Variants in MSANTD3 observed in about 807,000 individuals in gnomAD.
The protein encoded by MSANTD3 is Myb/SANT DNA binding domain containing 3, also known as myb/SANT-like DNA-binding domain-containing protein 3.
A neutral mutation model predicts 27.7 loss-of-function variants in MSANTD3; 11 were observed. The observed-to-expected ratio is 0.40, with a 90% CI of 0.25 to 0.66. The LOEUF (loss-of-function observed/expected upper bound fraction) is 0.66. Among genes scored for constraint, MSANTD3 ranks in the 30% least tolerant of loss-of-function variants. The probability of loss-of-function intolerance (pLI) is 0.41; values close to 1 mark genes in which losing one functional copy is unlikely to be tolerated. For missense variants in MSANTD3, 250 were observed against 336.5 expected (o/e 0.74, Z 2.01); for synonymous variants, 131 against 127.2 (o/e 1.03, Z -0.20).
At chr9:100,435,885 A>T (rs1481045912) in intron 1 of MSANTD3, among the ~76,000 whole-genome samples, 1 of 152,202 alleles carries the variant, frequency 6.6e-6, no homozygotes, top group Non-Finnish European at 1.5e-5. Flanking sequence ...TCTTGGGAGG[A>T]CACAGACATT....
intron 1 of MSANTD3, among the ~76,000 whole-genome samples, chr9:100,431,977 G>C (rs1307854346): frequency 6.6e-6 from 1 of 152,112 alleles, no homozygotes; most frequent in East Asian, 1.9e-4. Flanking sequence ...GCCGTGGGTG[G>C]GGATGGTTTA....
chr9:100,430,299 G>A (rs1408540404), intron 1 of MSANTD3, among the ~76,000 whole-genome samples: 1 of 147,084 alleles, frequency 6.8e-6, no homozygotes, highest in African/African-American at 2.6e-5. Context: ...TGTAATGCCA[G>A]CACTTTGGGA....
chr9:100,447,368 C>CT (rs34721493), intron 2 of MSANTD3, among the ~76,000 whole-genome samples: 26 of 151,290 alleles, frequency 1.7e-4, no homozygotes, highest in Middle Eastern at 3.4e-3. Context: ...AGAGGCCTGG[C>CT]TTTTTTTTTC....
Position 100,442,142 on chromosome 9 carries a change from A to G in MSANTD3, c.204A>G (p.Lys68=), listed in dbSNP as rs1836640699. 6.2e-7 allele frequency: 1 copy of G among 1,614,084 alleles called. No homozygotes were observed. Among genetic ancestry groups the G allele is most frequent in the African/African-American group, 1.3e-5 (1 of 74,936 alleles). Residue 68 remains lysine (K), a synonymous_variant, in exon 2 of 3, where the codon AAA becomes AAG. Coordinates refer to ENST00000395067, the MANE Select transcript of MSANTD3 (RefSeq NM_080655.3). ...CCAGCGTGTCCCTGCGGGATTTCAA[A>G]CAGCTGAAGAAGTGCTGGGAGAACA... is the stretch of plus-strand genomic sequence containing the variant. The part of the protein sequence containing the change: ...SQPSVSLRDF[K]QLKKCWENIK...
At chr9:100,447,151 C>G (rs1188537865) in intron 2 of MSANTD3, among the ~76,000 whole-genome samples, 1 of 152,088 alleles carries the variant, frequency 6.6e-6, no homozygotes, top group East Asian at 1.9e-4. Flanking sequence ...CTTCAGGTGG[C>G]TTTGTTTTTA....
intron 1 of MSANTD3, among the ~76,000 whole-genome samples, chr9:100,435,219 G>A (rs917790283): frequency 1.3e-5 from 2 of 152,292 alleles, no homozygotes; most frequent in Admixed American, 1.3e-4. Flanking sequence ...GGTTGGGTGA[G>A]GGGTAAAGTC....
At chr9:100,437,760 C>T (rs572610923) in intron 1 of MSANTD3, among the ~76,000 whole-genome samples, 1 of 152,110 alleles carries the variant, frequency 6.6e-6, no homozygotes, top group African/African-American at 2.4e-5. Flanking sequence ...TAAGAGCAGT[C>T]GTATAATTTC....
chr9:100,428,609 G>A (rs1399351114), intron 1 of MSANTD3, among the ~76,000 whole-genome samples: 6 of 152,264 alleles, frequency 3.9e-5, no homozygotes, highest in African/African-American at 4.8e-5. Flanking sequence ...GGGGCAGGGG[G>A]TGGGGAGGGA....
Position 100,427,399 on chromosome 9 carries a change from A to C in MSANTD3, c.-34+6A>C, listed in dbSNP as rs1836269098. ...CTGCCGCGCCGCCGCTGCAGGTAGG[A>C]GGCTCCCCTTCCGGGCGGGCCGCAG... On this transcript the variant is annotated splice_donor_region_variant and intron_variant, in intron 1 of 2. Coordinates refer to ENST00000395067, the MANE Select transcript of MSANTD3 (RefSeq NM_080655.3). 1 of 146,836 alleles carries C rather than the reference A, an allele frequency of 6.8e-6. No individual in the cohort carries two copies. Among genetic ancestry groups the C allele is most frequent in the South Asian group, 2.1e-4 (1 of 4,738 alleles). The allele number at this position is 146,836 out of a possible 1,614,324, so 9.1% of individuals were successfully genotyped here. A position where few individuals can be genotyped will look rare whatever the true frequency, so the allele number is the denominator to read the frequency against.
At chr9:100,436,611 A>G (rs758439870) in intron 1 of MSANTD3, among the ~76,000 whole-genome samples, 1 of 152,182 alleles carries the variant, frequency 6.6e-6, no homozygotes, top group African/African-American at 2.4e-5. Context: ...TTTATAAACA[A>G]TTATGGACAA....
chr9:100,442,139 C>T lies in MSANTD3; in HGVS notation c.201C>T (p.Phe67=). The T allele has an allele frequency of 6.2e-7, 1 of 1,614,158 alleles. No homozygotes were observed. Among genetic ancestry groups the T allele is most frequent in the South Asian group, 1.1e-5 (1 of 91,070 alleles). ...NSQPSVSLRD[F]KQLKKCWENI... ...AGCCCAGCGTGTCCCTGCGGGATTTCAAACAGCTGAAGAAGTGCTGGGAGA... is the reference window on the plus strand; with the variant it reads ...AGCCCAGCGTGTCCCTGCGGGATTTTAAACAGCTGAAGAAGTGCTGGGAGA... The change falls in exon 2 of 3, where the codon TTC becomes TTT. Residue 67 remains phenylalanine, a synonymous_variant. Coordinates refer to ENST00000395067, the MANE Select transcript of MSANTD3 (RefSeq NM_080655.3).
chr9:100,448,953 G>A (rs1441759269), intron 2 of MSANTD3: 10 of 980,790 alleles, frequency 1.0e-5, no homozygotes, highest in Non-Finnish European at 1.2e-5. Context: ...TAATTAAACA[G>A]TAGCCATTTT....
Position 100,451,256 on chromosome 9 carries a change from G to GTTT in MSANTD3, c.*299_*301dup. On this transcript the variant is annotated 3_prime_UTR_variant, in exon 3 of 3. Coordinates refer to ENST00000395067, the MANE Select transcript of MSANTD3 (RefSeq NM_080655.3). ...ACCACGTGTGAGTGTTGTTGTTGTT[G>GTTT]TTTTTTTTTTTAATCAAATGCAAGT... 1 of 223,798 alleles carries GTTT rather than the reference G, an allele frequency of 4.5e-6. No homozygotes were observed. The highest frequency in any genetic ancestry group is 8.5e-6 in the Non-Finnish European group (1 of 118,268). 13.9% of individuals were successfully genotyped at this position (223,798 alleles called of 1,614,324 possible).
intron 2 of MSANTD3, chr9:100,445,177 CAAGAAAGAAAAAGAA>C: frequency 6.2e-7 from 1 of 1,607,252 alleles, no homozygotes; most frequent in Non-Finnish European, 8.5e-7. Context: ...AGTTTTCTTT[CAAGAAAGAAAAAGAA>C]GCCTGGAATT....
chr9:100,440,923 C>A (rs1263120825), intron 1 of MSANTD3, among the ~76,000 whole-genome samples: 1 of 141,284 alleles, frequency 7.1e-6, no homozygotes, highest in Admixed American at 7.2e-5. Flanking sequence ...CTGTGCCCGG[C>A]TGTACATCTT....
chr9:100,427,281 G>A lies in MSANTD3; in HGVS notation c.-146G>A, dbSNP rs1381887570. On this transcript the variant is annotated 5_prime_UTR_variant, in exon 1 of 3. Coordinates refer to ENST00000395067, the MANE Select transcript of MSANTD3 (RefSeq NM_080655.3). ...CCGCCGCCGCCGCCGCCCGGCGTTC[G>A]GGAGCCCGCGGCCCTCCCGGCCGCC... 6.9e-6 allele frequency: 1 copy of A among 145,530 alleles called. No homozygotes were observed. The highest frequency in any genetic ancestry group is 1.5e-5 in the Non-Finnish European group (1 of 65,544). 9.0% of individuals were successfully genotyped at this position (145,530 alleles called of 1,614,324 possible).
At chr9:100,437,867 G>A (rs934496988) in intron 1 of MSANTD3, among the ~76,000 whole-genome samples, 1 of 152,048 alleles carries the variant, frequency 6.6e-6, no homozygotes, top group Non-Finnish European at 1.5e-5. Context: ...GCTCTCAGAG[G>A]CTATTTTTGG....
intron 1 of MSANTD3, among the ~76,000 whole-genome samples, chr9:100,433,929 G>A (rs10819776): frequency 0.27 from 41,733 of 151,986 alleles, 6,166 homozygotes; most frequent in African/African-American, 0.37. Flanking sequence ...TCAAGTAGGA[G>A]TTAAGGTTCC....
At chr9:100,450,445 G>C (rs1233100811) in intron 2 of MSANTD3, 112 bp from the exon 3 acceptor site, 1 of 1,016,680 alleles carries the variant, frequency 9.8e-7, no homozygotes, top group Non-Finnish European at 1.4e-6. Flanking sequence ...AAGCAGACAT[G>C]ATTTTAGATA....
Sources: gnomAD v4.1 joint callset for allele counts (sites outside exome capture counted in the v4.1 genomes callset) on GRCh38, gnomAD v4.1.1 for gene constraint, MANE v1.5 for transcripts, NCBI Gene and HGNC (gene_info 2026-07-23, HGNC 2026-07-21) for gene names.